The following PDE11A variants were observed in gnomAD, a reference collection of about 807,000 sequenced individuals.
PDE11A encodes phosphodiesterase 11A.
A neutral mutation model predicts 100.5 loss-of-function variants in PDE11A; 100 were observed. The ratio of observed to expected loss-of-function variants is 1.00; its 90% CI spans 0.85 to 1.18. The LOEUF (loss-of-function observed/expected upper bound fraction) is 1.18. Ranked by LOEUF, PDE11A falls within the 50% of genes most tolerant of loss-of-function variation. The pLI is 0.00. For synonymous variants in PDE11A, 381 were observed against 420.8 expected (o/e 0.91, Z 1.16); for missense variants, 1,141 against 1,152.6 (o/e 0.99, Z 0.15).
Position 178,072,056 on chromosome 2 carries a change from A to G in PDE11A, c.382T>C (p.Ser128Pro). The change falls in exon 1 of 20, where the codon TCC (serine) becomes CCC (proline). Residue 128 changes from serine (S) to proline (P), a missense_variant. Physicochemically the swap from Ser to Pro is moderately conservative, Grantham distance 74. Coordinates refer to ENST00000286063, the MANE Select transcript of PDE11A (RefSeq NM_016953.4). The part of the protein sequence containing the change: ...QKELRKSFAR[S>P]KAIHVNRTYD... ...GTCCTGTTCACGTGGATGGCCTTGGAGCGGGCAAAACTCTTCCTTAGCTCT... is the reference window on the plus strand; with the variant it reads ...GTCCTGTTCACGTGGATGGCCTTGGGGCGGGCAAAACTCTTCCTTAGCTCT... 6.2e-7 allele frequency: 1 copy of G among 1,613,802 alleles called. No homozygotes were observed.
intron 1 of PDE11A, among the ~76,000 whole-genome samples, chr2:178,064,315 T>A (rs899825224): frequency 2.0e-5 from 3 of 152,196 alleles, no homozygotes; most frequent in African/African-American, 7.2e-5. Context: ...TAGATCAAAG[T>A]CACCTCTTCG....
At position 177,704,295 on chromosome 2, in the gene PDE11A, G is replaced by T. The variant is rs115542956; in HGVS notation, c.2154-3084C>A. On this transcript the variant is annotated intron_variant, in intron 13 of 19. Coordinates refer to ENST00000286063, the MANE Select transcript of PDE11A (RefSeq NM_016953.4). ...ATGCTCACTTTTCTGCAAACAAGGT[G>T]CCATCTTAGCCCTCAGAGAATGGAG... Among the ~76,000 whole-genome samples, 304 of 152,246 alleles carry T rather than the reference G, an allele frequency of 2.0e-3. 1 individual carries two copies. The highest frequency in any genetic ancestry group is 6.8e-3 in the African/African-American group (284 of 41,536).
At chr2:177,675,388 A>C (rs942669471) in intron 17 of PDE11A, 67 bp downstream of exon 17, 12 of 1,098,668 alleles carry the variant, frequency 1.1e-5, no homozygotes. Context: ...GGGCTCTGGG[A>C]ATATTGTGTC....
At chr2:178,007,639 A>G (rs886429639) in intron 2 of PDE11A, among the ~76,000 whole-genome samples, 3 of 152,222 alleles carry the variant, frequency 2.0e-5, no homozygotes, top group Non-Finnish European at 2.9e-5. Context: ...ATCATGAGCC[A>G]TCTGCCAGGA....
rs138486451 is a variant in PDE11A at position 177,731,049 on chromosome 2, G to A, written c.1789-2877C>T. ...GAATCATGCAATATTCGTCTTTTTT[G>A]TCATTGGCTTATTTGACTCAGCATA... On this transcript the variant is annotated intron_variant, in intron 10 of 19. Transcript: ENST00000286063. 3.3e-3 allele frequency among the ~76,000 whole-genome samples: 501 copies of A among 151,982 alleles called. 4 individuals carry two copies. The highest frequency in any genetic ancestry group is 0.012 in the African/African-American group (482 of 41,442).
intron 2 of PDE11A, among the ~76,000 whole-genome samples, chr2:177,928,735 T>C (rs1445693072): frequency 6.6e-6 from 1 of 152,076 alleles, no homozygotes; most frequent in Non-Finnish European, 1.5e-5. Context: ...TGGTGGCACA[T>C]GCCTGTGGTC....
chr2:177,840,738 T>C (rs1034569738), intron 5 of PDE11A, among the ~76,000 whole-genome samples: 5 of 152,132 alleles, frequency 3.3e-5, no homozygotes, highest in Non-Finnish European at 7.4e-5. Context: ...CCCTTTTTAA[T>C]TGAACAGACT....
chr2:178,053,385 T>G (rs564616609), intron 1 of PDE11A, among the ~76,000 whole-genome samples: 1 of 152,340 alleles, frequency 6.6e-6, no homozygotes, highest in South Asian at 2.1e-4. Flanking sequence ...GAGCTATTTA[T>G]GACAGACCCA....
chr2:177,825,968 T>C (rs1377445125), intron 6 of PDE11A, among the ~76,000 whole-genome samples: 2 of 152,218 alleles, frequency 1.3e-5, no homozygotes, highest in African/African-American at 4.8e-5. Flanking sequence ...GTTTTACAAA[T>C]ACAAATATTG....
intron 13 of PDE11A, among the ~76,000 whole-genome samples, chr2:177,704,425 C>CCCTG (rs1380707346): frequency 6.6e-6 from 1 of 151,236 alleles, no homozygotes; most frequent in Non-Finnish European, 1.5e-5. Flanking sequence ...TAGATTTGGC[C>CCCTG]CCTGGCAGAT....
intron 19 of PDE11A, among the ~76,000 whole-genome samples, chr2:177,649,708 T>C (rs73977691): frequency 0.028 from 4,336 of 152,266 alleles, 209 homozygotes; most frequent in African/African-American, 0.1. Flanking sequence ...TTTAGAAGCA[T>C]ACGCAGGAAT....
rs781128252 is a variant in PDE11A, at chr2:178,072,168, G to A, written c.270C>T (p.Gly90=). The A allele has an allele frequency of 1.3e-5, 21 of 1,613,618 alleles. No individual in the cohort carries two copies. The highest frequency in any genetic ancestry group is 4.4e-5 in the South Asian group (4 of 91,064). Residue 90 remains glycine (G), a synonymous_variant, in exon 1 of 20, where the codon GGC becomes GGT. Transcript: ENST00000286063. The part of the protein sequence containing the change: ...GSAHSQPLPG[G]GDCGGVPLSP... ...TCAAGGGAACCCCACCACAGTCCCC[G>A]CCACCGGGAAGGGGCTGGCTGTGGG... is the stretch of plus-strand genomic sequence containing the variant.
chr2:177,905,162 CA>C lies in PDE11A; in HGVS notation c.1096del (p.Cys366ValfsTer25), dbSNP rs1559000040. 2 of 1,606,414 alleles carry C rather than the reference CA, an allele frequency of 1.2e-6. No homozygotes were observed. The highest frequency in any genetic ancestry group is 2.2e-5 in the South Asian group (2 of 90,932). ...EKVMQMYLPF[C>X]GIAISNAQLF... is the part of the protein sequence containing the mutation. ...CTGAGCGTTAGATATGGCGATTCCA[CA>C]AAATGGAAGATACATCTGCATAACC... On this transcript the variant is annotated frameshift_variant, in exon 3 of 20. Transcript: ENST00000286063. LOFTEE classifies it high-confidence loss of function.
chr2:177,660,113 T>TTCTTTCCTTCTC (rs2080461930), intron 19 of PDE11A, among the ~76,000 whole-genome samples: 1 of 89,266 alleles, frequency 1.1e-5, no homozygotes, highest in South Asian at 5.2e-4. Flanking sequence ...CTCTCTCTCT[T>TTCTTTCCTTCTC]TCTTTCTTTC....
At chr2:177,720,247 G>T (rs1471415296) in intron 12 of PDE11A, among the ~76,000 whole-genome samples, 1 of 152,130 alleles carries the variant, frequency 6.6e-6, no homozygotes, top group South Asian at 2.1e-4. Context: ...TTGAGCAGAG[G>T]ACTATCTCAA....
chr2:177,895,479 A>G (rs2084597195), intron 4 of PDE11A, among the ~76,000 whole-genome samples: 1 of 151,410 alleles, frequency 6.6e-6, no homozygotes, highest in African/African-American at 2.4e-5. Flanking sequence ...GCTTGAACCC[A>G]GGAGGTGGAG....
intron 9 of PDE11A, among the ~76,000 whole-genome samples, chr2:177,813,194 T>C (rs1035353510): frequency 6.6e-6 from 1 of 152,226 alleles, no homozygotes; most frequent in Non-Finnish European, 1.5e-5. Context: ...TACCTAACCT[T>C]TGAGGCTACT....
chr2:177,644,748 C>T (rs1233497703), intron 19 of PDE11A, among the ~76,000 whole-genome samples: 1 of 152,322 alleles, frequency 6.6e-6, no homozygotes, highest in East Asian at 1.9e-4. Flanking sequence ...TGAATTGTAA[C>T]TCCCACAACT....
intron 4 of PDE11A, among the ~76,000 whole-genome samples, chr2:177,886,558 TA>T (rs2084433146): frequency 1.3e-5 from 2 of 152,154 alleles, no homozygotes; most frequent in South Asian, 4.1e-4. Flanking sequence ...CCATAAAACA[TA>T]AATTTGCAAT....
Sources: gnomAD v4.1 joint callset for allele counts (sites outside exome capture counted in the v4.1 genomes callset) on GRCh38, gnomAD v4.1.1 for gene constraint, MANE v1.5 for transcripts, NCBI Gene and HGNC (gene_info 2026-07-23, HGNC 2026-07-21) for gene names.